Variants in TLCD4 observed in about 807,000 individuals in gnomAD.
The protein encoded by TLCD4 is TLC domain-containing protein 4.
TLCD4 carries 7 observed loss-of-function variants against 24.2 expected under a neutral mutation model. The ratio of observed to expected loss-of-function variants is 0.29; its 90% CI spans 0.16 to 0.54. The LOEUF (loss-of-function observed/expected upper bound fraction) is 0.54. Among genes scored for constraint, TLCD4 ranks in the 20% least tolerant of loss-of-function variants. The pLI, the probability that TLCD4 is intolerant of heterozygous loss-of-function variation, is 0.95. For missense variants in TLCD4, 259 were observed against 313.9 expected (o/e 0.82, Z 1.32); for synonymous variants, 103 against 106.4 (o/e 0.97, Z 0.20).
chr1:95,148,751 AT>A lies in TLCD4; in HGVS notation c.209del (p.Phe70SerfsTer21). The part of the protein sequence containing the change: ...SLVVGIFGLY[I>X]FLFDEATKAD... ...GGTGGTTGGTATTTTTGGCCTGTAC[AT>A]TTTCTTATTCGATGAGGCTACTAAA... On this transcript the variant is annotated frameshift_variant, in exon 3 of 7. Coordinates refer to ENST00000370203, the MANE Select transcript of TLCD4 (RefSeq NM_152487.3). LOFTEE classifies it high-confidence loss of function. 6.2e-7 allele frequency: 1 copy of A among 1,613,632 alleles called. No individual in the cohort carries two copies. Among genetic ancestry groups the A allele is most frequent in the Non-Finnish European group, 8.5e-7 (1 of 1,179,784 alleles).
At chr1:95,126,775 G>A (rs1676747787) in intron 1 of TLCD4, among the ~76,000 whole-genome samples, 1 of 152,124 alleles carries the variant, frequency 6.6e-6, no homozygotes, top group Non-Finnish European at 1.5e-5. Context: ...CTGACATGAT[G>A]GTCTCAGGGC....
In TLCD4 at chr1:95,197,239, T is replaced by C. The variant is rs1429392952; in HGVS notation, c.*5371T>C. The C allele has an allele frequency of 1.3e-5, 2 of 152,162 alleles. No individual in the cohort carries two copies. The highest frequency in any genetic ancestry group is 2.4e-5 in the African/African-American group (1 of 41,444). The allele number at this position is 152,162 out of a possible 1,614,324, so 9.4% of individuals were successfully genotyped here. A position where few individuals can be genotyped will look rare whatever the true frequency, so the allele number is the denominator to read the frequency against. ...TATGAATCAGTGTTACTAGGACTTATCAGTACTTAAAATAGCAACTTGGCA... is the reference window on the plus strand; with the variant it reads ...TATGAATCAGTGTTACTAGGACTTACCAGTACTTAAAATAGCAACTTGGCA... On this transcript the variant is annotated 3_prime_UTR_variant, in exon 7 of 7. Coordinates refer to ENST00000370203, the MANE Select transcript of TLCD4 (RefSeq NM_152487.3).
the TLCD4 span, among the ~76,000 whole-genome samples, chr1:95,099,053 C>CAAAA: frequency 0.25 from 17,221 of 70,054 alleles, 3,243 homozygotes; most frequent in East Asian, 0.44. Context: ...AACTCTGTCT[C>CAAAA]AAAAAAAAAA....
chr1:95,127,121 G>T (rs759397629), intron 1 of TLCD4, among the ~76,000 whole-genome samples: 7 of 152,336 alleles, frequency 4.6e-5, no homozygotes, highest in Admixed American at 1.3e-4. Flanking sequence ...AGGTTGTGTT[G>T]TTCTTGCCTG....
chr1:95,118,061 G>A (rs376097879), intron 1 of TLCD4: 50 of 152,260 alleles, frequency 3.3e-4, no homozygotes, highest in African/African-American at 1.2e-3. Context: ...TTTCTTGTTA[G>A]AGCCCACACA....
chr1:95,180,923 C>A (rs929475970), intron 6 of TLCD4, among the ~76,000 whole-genome samples: 1 of 151,962 alleles, frequency 6.6e-6, no homozygotes, highest in Non-Finnish European at 1.5e-5. Context: ...ACAATTTTTT[C>A]TTTTTTCTAC....
chr1:95,104,547 C>T, the TLCD4 span, among the ~76,000 whole-genome samples: 1 of 151,482 alleles, frequency 6.6e-6, no homozygotes, highest in Non-Finnish European at 1.5e-5. Context: ...TGCCTGTAGT[C>T]CCAGCTACTC....
chr1:95,183,422 A>G (rs939548881), intron 6 of TLCD4, among the ~76,000 whole-genome samples: 1 of 128,000 alleles, frequency 7.8e-6, no homozygotes, highest in African/African-American at 2.5e-5. Context: ...TAAGAGGACA[A>G]ACAGAGCATC....
chr1:95,185,997 G>C (rs1388586293), intron 6 of TLCD4, among the ~76,000 whole-genome samples: 1 of 152,190 alleles, frequency 6.6e-6, no homozygotes, highest in Non-Finnish European at 1.5e-5. Context: ...AATTATATGG[G>C]AACTATGGAG....
At position 95,170,330 on chromosome 1, in the gene TLCD4, CTTTTTTT is replaced by C. The variant is rs10664436; in HGVS notation, c.400-3474_400-3468del. 3.2e-5 allele frequency among the ~76,000 whole-genome samples: 4 copies of C among 126,618 alleles called. No homozygotes were observed. The South Asian group carries it at 7.6e-4, about 24-fold the overall frequency. The allele number at this position is 126,618 out of a possible 152,430, so 83.1% of individuals were successfully genotyped here. ...AGGGGTTATAATAATACAAATCATT[CTTTTTTT>C]TTTTTTTTTTTGAGAAGAGTCTCGC... is the stretch of plus-strand genomic sequence containing the variant. On this transcript the variant is annotated intron_variant, in intron 5 of 6. Coordinates refer to ENST00000370203, the MANE Select transcript of TLCD4 (RefSeq NM_152487.3).
the TLCD4 span, among the ~76,000 whole-genome samples, chr1:95,093,582 A>G: frequency 2.0e-5 from 3 of 152,108 alleles, no homozygotes. Flanking sequence ...AGAAGAGTCC[A>G]CTCAGATGTT....
chr1:95,102,211 G>A, the TLCD4 span, among the ~76,000 whole-genome samples: 1 of 152,138 alleles, frequency 6.6e-6, no homozygotes, highest in Non-Finnish European at 1.5e-5. Flanking sequence ...GGTCTATTTT[G>A]TGTGAAACAT....
At chr1:95,120,487 G>A (rs1676541572) in intron 1 of TLCD4, among the ~76,000 whole-genome samples, 1 of 152,178 alleles carries the variant, frequency 6.6e-6, no homozygotes, top group Non-Finnish European at 1.5e-5. Flanking sequence ...AGCAAAAGGT[G>A]TTTCTTTGTT....
chr1:95,141,834 A>ACACACACAC (rs1557682582), intron 1 of TLCD4, among the ~76,000 whole-genome samples: 2 of 70,714 alleles, frequency 2.8e-5, no homozygotes, highest in Non-Finnish European at 8.4e-5. Flanking sequence ...CACACACACA[A>ACACACACAC]AGAATGAGGA....
upstream of TLCD4, among the ~76,000 whole-genome samples, chr1:95,116,431 G>A (rs185328027): frequency 6.6e-6 from 1 of 152,264 alleles, no homozygotes; most frequent in East Asian, 1.9e-4. Context: ...CATGTATATA[G>A]TAGATCAAAT....
At chr1:95,139,477 T>TTTTTTTTTTTTTTA (rs1677141110) in intron 1 of TLCD4, among the ~76,000 whole-genome samples, 1 of 144,712 alleles carries the variant, frequency 6.9e-6, no homozygotes, top group African/African-American at 2.6e-5. Flanking sequence ...TTTTTTTTTT[T>TTTTTTTTTTTTTTA]GAGACAGTTT....
the TLCD4 span, among the ~76,000 whole-genome samples, chr1:95,096,907 A>G: frequency 3.9e-5 from 6 of 152,190 alleles, no homozygotes; most frequent in Non-Finnish European, 8.8e-5. Flanking sequence ...TTTGGAAGAA[A>G]TGAGGGGAGT....
intron 2 of TLCD4, among the ~76,000 whole-genome samples, chr1:95,147,385 A>G (rs1038939062): frequency 6.6e-6 from 1 of 152,152 alleles, no homozygotes; most frequent in Non-Finnish European, 1.5e-5. Context: ...AGGAATTTAC[A>G]TTTTTATCCT....
intron 1 of TLCD4, among the ~76,000 whole-genome samples, chr1:95,125,240 G>A (rs968020708): frequency 1.3e-5 from 2 of 152,142 alleles, no homozygotes; most frequent in Admixed American, 1.3e-4. Flanking sequence ...TTAAACATGA[G>A]GTTGAGGCTA....
Sources: allele counts gnomAD v4.1 joint callset (sites outside exome capture counted in the v4.1 genomes callset), GRCh38; gene constraint gnomAD v4.1.1; transcripts MANE v1.5; gene names NCBI Gene and HGNC (gene_info 2026-07-23, HGNC 2026-07-21).